The following SASH1 variants were observed in gnomAD, a reference collection of about 807,000 sequenced individuals.
SASH1 encodes the protein SAM and SH3 domain-containing protein 1.
SASH1 carries 44 observed loss-of-function variants against 125.2 expected under a neutral mutation model. That is an observed-to-expected ratio of 0.35 (90% CI 0.28 to 0.45). SASH1 has a LOEUF of 0.45. SASH1 is among the 20% of genes least tolerant of loss of function. SASH1 has a pLI of 1.00. For synonymous variants in SASH1, 639 were observed against 649.1 expected (o/e 0.98, Z 0.24); for missense variants, 1,426 against 1,614.5 (o/e 0.88, Z 2.00).
chr6:148,474,013 C>G (rs1484332316), intron 6 of SASH1, 97 bp from the exon 7 acceptor site: 1 of 793,578 alleles, frequency 1.3e-6, no homozygotes, highest in East Asian at 2.7e-5. Context: ...TCCTGAGCAA[C>G]ATTCTTCTCT....
chr6:148,338,248 G>A (rs1007809646), upstream of SASH1, among the ~76,000 whole-genome samples: 2 of 152,000 alleles, frequency 1.3e-5, no homozygotes, highest in Non-Finnish European at 1.5e-5. Context: ...CCAACATGGT[G>A]AAATCCCGTC....
Position 148,362,219 on chromosome 6 carries a change from G to A in SASH1, c.156+18996G>A, listed in dbSNP as rs370566053. Among the ~76,000 whole-genome samples, 29 of 147,908 alleles carry A rather than the reference G, an allele frequency of 2.0e-4. No homozygotes were observed. The East Asian group carries it at 2.9e-3, about 15-fold the overall frequency. On this transcript the variant is annotated intron_variant, in intron 1 of 19. Transcript: ENST00000367467. ...TGGGATTACAGGCGTGAGCCACCGT[G>A]CCTGGCCTCTTTTTTTTTTTTGAGA...
the SASH1 span, among the ~76,000 whole-genome samples, chr6:148,218,629 T>C: frequency 6.6e-6 from 1 of 152,158 alleles, no homozygotes; most frequent in Non-Finnish European, 1.5e-5. Context: ...GCTGGGACCT[T>C]GGAGGGAGAG....
chr6:148,493,779 A>G (rs536331476), intron 8 of SASH1, among the ~76,000 whole-genome samples: 6 of 152,334 alleles, frequency 3.9e-5, no homozygotes, highest in African/African-American at 1.4e-4. Flanking sequence ...CCAGAGAAGA[A>G]TCTGTTTTGT....
chr6:148,484,671 C>T (rs11968179), intron 7 of SASH1, among the ~76,000 whole-genome samples: 8,425 of 151,490 alleles, frequency 0.056, 808 homozygotes, highest in African/African-American at 0.19. Context: ...CCAGGTGCGG[C>T]GGCTCACACC....
At chr6:148,371,785 A>G (rs1235271591) in intron 1 of SASH1, among the ~76,000 whole-genome samples, 1 of 152,128 alleles carries the variant, frequency 6.6e-6, no homozygotes, top group Non-Finnish European at 1.5e-5. Flanking sequence ...GTGACCCAGG[A>G]GGATGGTGAA....
chr6:148,225,304 T>G, the SASH1 span, among the ~76,000 whole-genome samples: 1 of 152,252 alleles, frequency 6.6e-6, no homozygotes, highest in Non-Finnish European at 1.5e-5. Flanking sequence ...TTCATAAATC[T>G]AATTCTTTAT....
At chr6:148,449,094 G>T (rs369110558) in intron 4 of SASH1, among the ~76,000 whole-genome samples, 5,446 of 29,066 alleles carry the variant, frequency 0.19, 211 homozygotes, top group Non-Finnish European at 0.26. Context: ...TTTTTTTTTT[G>T]GAGACAGAGT....
intron 2 of SASH1, among the ~76,000 whole-genome samples, chr6:148,411,165 CCAAAAAAA>C (rs1186134695): frequency 2.7e-5 from 1 of 37,030 alleles, no homozygotes; most frequent in African/African-American, 9.9e-5. Context: ...AACTCCATCT[CCAAAAAAA>C]AAAAAAAAAA....
the SASH1 span, among the ~76,000 whole-genome samples, chr6:148,240,624 C>T: frequency 2.0e-5 from 3 of 152,166 alleles, no homozygotes; most frequent in Admixed American, 6.5e-5. Flanking sequence ...CCCGAGGCTG[C>T]TGGTGGGTGG....
the SASH1 span, among the ~76,000 whole-genome samples, chr6:148,264,071 A>G: frequency 6.6e-6 from 1 of 151,300 alleles, no homozygotes; most frequent in Middle Eastern, 3.2e-3. Flanking sequence ...GAGGTTACAT[A>G]GGGCTGGATG....
chr6:148,436,223 G>A (rs1358009033), intron 2 of SASH1, among the ~76,000 whole-genome samples: 1 of 152,170 alleles, frequency 6.6e-6, no homozygotes, highest in Non-Finnish European at 1.5e-5. Flanking sequence ...GGCTGTTATA[G>A]GAGGCAATAC....
At chr6:148,215,844 T>C in the SASH1 span, among the ~76,000 whole-genome samples, 1 of 151,990 alleles carries the variant, frequency 6.6e-6, no homozygotes, top group South Asian at 2.1e-4. Context: ...TCTACTTTTT[T>C]ATTTATTTAT....
Position 148,529,450 on chromosome 6 carries a change from T to C in SASH1, c.1428+1854T>C, listed in dbSNP as rs567865957. Among the ~76,000 whole-genome samples, 1 of 152,322 alleles carries C rather than the reference T, an allele frequency of 6.6e-6. No homozygotes were observed. Among genetic ancestry groups the C allele is most frequent in the African/African-American group, 2.4e-5 (1 of 41,574 alleles). On this transcript the variant is annotated intron_variant, in intron 12 of 19. Transcript: ENST00000367467. This position sits in a 1 kb window ranked among gnomAD's most constrained non-coding sequence, Gnocchi z 4.2. ...CTTGTCCTTGTGGGTGACGGAGTGA[T>C]AGTGATTCTATATTTCTTCCCAGCA... is the stretch of plus-strand genomic sequence containing the variant.
At chr6:148,234,703 T>G in the SASH1 span, among the ~76,000 whole-genome samples, 1 of 152,002 alleles carries the variant, frequency 6.6e-6, no homozygotes, top group African/African-American at 2.4e-5. Context: ...GGCAGACACC[T>G]GTAATCCCAG....
intron 1 of SASH1, among the ~76,000 whole-genome samples, chr6:148,381,839 T>G (rs1357876710): frequency 6.6e-6 from 1 of 151,814 alleles, no homozygotes; most frequent in African/African-American, 2.4e-5. Flanking sequence ...ACCATTTTGG[T>G]TGGCCAGGCT....
chr6:148,260,796 C>CT, the SASH1 span, among the ~76,000 whole-genome samples: 2,560 of 103,858 alleles, frequency 0.025, 148 homozygotes, highest in African/African-American at 0.069. Flanking sequence ...CCTATAAGGG[C>CT]TTTTTTTTTT....
rs1393750598 is a variant in SASH1, at chr6:148,421,142, GAAGGAAGAAAGAAAGAAAGAAAGA to G, written c.286-19038_286-19015del. Among the ~76,000 whole-genome samples, 18 of 50,428 alleles carry G rather than the reference GAAGGAAGAAAGAAAGAAAGAAAGA, an allele frequency of 3.6e-4. 1 individual carries two copies. Among genetic ancestry groups the G allele is most frequent in the Middle Eastern group, 8.1e-3 (1 of 124 alleles). The allele number at this position is 50,428 out of a possible 152,430, so 33.1% of individuals were successfully genotyped here. A position where few individuals can be genotyped will look rare whatever the true frequency, so the allele number is the denominator to read the frequency against. On this transcript the variant is annotated intron_variant, in intron 2 of 19. Transcript: ENST00000367467. Reference sequence around the variant, plus strand: ...GAAAGGAAGAAAGGAAGGAAGGAAGGAAGGAAGAAAGAAAGAAAGAAAGAAAGAAAGAAAGAAAGAAAGAAAGAA... The same window carrying G: ...GAAAGGAAGAAAGGAAGGAAGGAAGGAAGAAAGAAAGAAAGAAAGAAAGAA...
chr6:148,322,846 G>A (rs1368929991), intron 1 of SASH1, among the ~76,000 whole-genome samples: 5 of 151,534 alleles, frequency 3.3e-5, no homozygotes, highest in East Asian at 1.9e-4. Flanking sequence ...GGTTTCATCC[G>A]TGACCACCCA....
Sources: allele counts gnomAD v4.1 joint callset (sites outside exome capture counted in the v4.1 genomes callset), GRCh38; gene constraint gnomAD v4.1.1; non-coding constraint Gnocchi (gnomAD v3.1); transcripts MANE v1.5; gene names NCBI Gene and HGNC (gene_info 2026-07-23, HGNC 2026-07-21).